TSHZ3: variants seen among roughly 807,000 people sequenced by gnomAD.
TSHZ3 encodes teashirt zinc finger homeobox 3, also known as teashirt homolog 3.
TSHZ3 carries 10 observed loss-of-function variants against 64.5 expected under a neutral mutation model. The ratio of observed to expected loss-of-function variants is 0.16; its 90% CI spans 0.10 to 0.26. The LOEUF (loss-of-function observed/expected upper bound fraction) is 0.26, where lower values mean the gene tolerates loss of function less well. Ranked by LOEUF, TSHZ3 falls within the 10% of genes least tolerant of loss-of-function variation. The probability of loss-of-function intolerance (pLI) is 1.00; values close to 1 mark genes in which losing one functional copy is unlikely to be tolerated. For synonymous variants in TSHZ3, 608 were observed against 593.1 expected (o/e 1.03, Z -0.36); for missense variants, 1,242 against 1,421.7 (o/e 0.87, Z 2.03).
At chr19:31,208,123 C>T (rs933049520) in intron 4 of TSHZ3, among the ~76,000 whole-genome samples, 1 of 152,162 alleles carries the variant, frequency 6.6e-6, no homozygotes, top group African/African-American at 2.4e-5. Context: ...ATGAATGTTC[C>T]TCCATCATAT....
intron 1 of TSHZ3, among the ~76,000 whole-genome samples, chr19:31,254,105 C>A (rs1488092554): frequency 1.3e-5 from 2 of 152,188 alleles, no homozygotes; most frequent in Non-Finnish European, 2.9e-5. Flanking sequence ...CCTTGCCAGG[C>A]AGGTCCTGGG....
chr19:31,251,628 G>A (rs577553576), intron 1 of TSHZ3, among the ~76,000 whole-genome samples: 2 of 152,286 alleles, frequency 1.3e-5, no homozygotes, highest in African/African-American at 2.4e-5. Flanking sequence ...CAACCCTGCC[G>A]TGATATGGGT....
chr19:31,175,296 AT>A (rs1306073470), intron 5 of TSHZ3, among the ~76,000 whole-genome samples: 1 of 152,216 alleles, frequency 6.6e-6, no homozygotes, highest in South Asian at 2.1e-4. Context: ...ATGAAAAAAA[AT>A]AAAATGAAAT....
chr19:31,243,557 A>G (rs1396301904), intron 1 of TSHZ3, among the ~76,000 whole-genome samples: 1 of 152,074 alleles, frequency 6.6e-6, no homozygotes, highest in Non-Finnish European at 1.5e-5. Flanking sequence ...GCAGGCTGGT[A>G]TTATAGTGGT....
chr19:31,184,222 A>G lies in TSHZ3; in HGVS notation n.809+20734T>C, dbSNP rs372856023. Among the ~76,000 whole-genome samples, 244 of 152,336 alleles carry G rather than the reference A, an allele frequency of 1.6e-3. 2 individuals are homozygous for G. Among genetic ancestry groups the G allele is most frequent in the Non-Finnish European group, 2.8e-3 (189 of 68,030 alleles). ...GGATCTTATTTTCTTTTTTAAGATA[A>G]TTGTAGGAAAAAGCTCTCTTTCTTG... is the stretch of plus-strand genomic sequence containing the variant. On this transcript the variant is annotated intron_variant and non_coding_transcript_variant, in intron 5 of 6. Transcript: ENST00000651361.
intron 5 of TSHZ3, among the ~76,000 whole-genome samples, chr19:31,173,740 A>T (rs1380693330): frequency 2.6e-5 from 4 of 152,216 alleles, no homozygotes; most frequent in Non-Finnish European, 5.9e-5. Context: ...GTATTAGTCA[A>T]GGTTTTCCAG....
intron 1 of TSHZ3, among the ~76,000 whole-genome samples, chr19:31,322,253 G>A (rs1048603928): frequency 3.3e-5 from 5 of 151,846 alleles, no homozygotes; most frequent in Middle Eastern, 3.4e-3. Context: ...TTCGTGCCTC[G>A]GCCTCCCAAG....
intron 1 of TSHZ3, among the ~76,000 whole-genome samples, chr19:31,344,554 G>A (rs866556985): frequency 5.9e-5 from 9 of 152,178 alleles, no homozygotes; most frequent in Admixed American, 2.6e-4. Context: ...CACCAGGACC[G>A]GGCACTTCCT....
chr19:31,226,973 C>CTTTTTTTTTTTTTTTTTT (rs1255178594), intron 4 of TSHZ3, among the ~76,000 whole-genome samples: 2 of 68,158 alleles, frequency 2.9e-5, no homozygotes, highest in African/African-American at 1.8e-4. Flanking sequence ...TTCTTTCTTT[C>CTTTTTTTTTTTTTTTTTT]TTTCTTTTTT....
At chr19:31,263,551 C>T (rs1976010991) in intron 1 of TSHZ3, among the ~76,000 whole-genome samples, 1 of 152,202 alleles carries the variant, frequency 6.6e-6, no homozygotes. Flanking sequence ...TGCCCTGTGG[C>T]AAGTGGGGGA....
intron 3 of TSHZ3, among the ~76,000 whole-genome samples, chr19:31,234,062 G>C (rs975168910): frequency 1.3e-5 from 2 of 151,972 alleles, no homozygotes; most frequent in African/African-American, 4.8e-5. Flanking sequence ...ATGTCTTTCA[G>C]TTAATTTAGC....
intron 6 of TSHZ3, among the ~76,000 whole-genome samples, chr19:31,154,916 G>A (rs776658458): frequency 1.3e-5 from 2 of 152,224 alleles, no homozygotes; most frequent in Non-Finnish European, 2.9e-5. Flanking sequence ...CTTGCCATGT[G>A]TTGTCTCATT....
At position 31,278,647 on chromosome 19, in the gene TSHZ3, C is replaced by T. The variant is rs1433346328; in HGVS notation, c.1146G>A (p.Lys382=). The T allele has an allele frequency of 3.7e-6, 6 of 1,614,172 alleles. No individual in the cohort carries two copies. The South Asian group carries it at 5.5e-5, about 15-fold the overall frequency. ...ACTCCATGCACTTCAGGATCTGCGA[C>T]TTCCGGGCCTCAAAGTGCCATGCAT... is the stretch of plus-strand genomic sequence containing the variant. The part of the protein sequence containing the change: ...ASYAWHFEAR[K]SQILKCMECG... The change falls in exon 2 of 2, where the codon AAG becomes AAA. Residue 382 remains lysine (K), a synonymous_variant. Transcript: ENST00000240587. The surrounding 1 kb of genome is among the most constrained non-coding windows in gnomAD (Gnocchi z 4.7).
At chr19:31,322,496 C>T (rs7245570) in intron 1 of TSHZ3, among the ~76,000 whole-genome samples, 6,156 of 152,188 alleles carry the variant, frequency 0.04, 442 homozygotes, top group African/African-American at 0.14. Context: ...TCATAGCTTA[C>T]TATAGGCATG....
chr19:31,298,065 T>C (rs373953287), intron 1 of TSHZ3, among the ~76,000 whole-genome samples: 17 of 152,144 alleles, frequency 1.1e-4, no homozygotes, highest in African/African-American at 3.9e-4. Context: ...CTAGGTCACC[T>C]GTCACTCCTC....
intron 5 of TSHZ3, among the ~76,000 whole-genome samples, chr19:31,156,513 G>GTT (rs1974307844): frequency 6.6e-6 from 1 of 152,104 alleles, no homozygotes; most frequent in African/African-American, 2.4e-5. Context: ...GCCACCCAGG[G>GTT]CATCTATTTA....
At chr19:31,199,107 T>TA (rs1273582543) in intron 5 of TSHZ3, among the ~76,000 whole-genome samples, 1 of 151,994 alleles carries the variant, frequency 6.6e-6, no homozygotes, top group Non-Finnish European at 1.5e-5. Flanking sequence ...GAAATAGACC[T>TA]ATAAGAATAT....
chr19:31,292,762 CCAT>C (rs1323535711), intron 1 of TSHZ3, among the ~76,000 whole-genome samples: 2 of 134,316 alleles, frequency 1.5e-5, no homozygotes, highest in African/African-American at 2.5e-5. Context: ...ATCCATCCAT[CCAT>C]CCACCCACCC....
chr19:31,235,642 C>CTTTCTA (rs1975601794), intron 3 of TSHZ3, among the ~76,000 whole-genome samples: 1 of 113,046 alleles, frequency 8.8e-6, no homozygotes, highest in South Asian at 2.9e-4. Flanking sequence ...CTCTTTCTTT[C>CTTTCTA]TTTCTTTCTA....
Sources: gnomAD v4.1 joint callset for allele counts (sites outside exome capture counted in the v4.1 genomes callset) on GRCh38, gnomAD v4.1.1 for gene constraint, Gnocchi (gnomAD v3.1) non-coding constraint, MANE v1.5 for transcripts, NCBI Gene and HGNC (gene_info 2026-07-23, HGNC 2026-07-21) for gene names.